The following CEP112 variants were observed in gnomAD, a reference collection of about 807,000 sequenced individuals.
CEP112 encodes centrosomal protein 112, also known as centrosomal protein of 112 kDa.
In CEP112, 127 loss-of-function variants were observed where a neutral mutation model predicts 153.0. The ratio of observed to expected loss-of-function variants is 0.83; its 90% CI spans 0.72 to 0.96. CEP112 has a LOEUF of 0.96. CEP112 is among the 40% of genes least tolerant of loss of function. CEP112 has a pLI of 0.00. For synonymous variants in CEP112, 358 were observed against 374.4 expected (o/e 0.96, Z 0.51); for missense variants, 1,089 against 1,101.2 (o/e 0.99, Z 0.16).
chr17:66,077,565 T>G lies in CEP112; in HGVS notation c.769-7564A>C, dbSNP rs9901237. Among the ~76,000 whole-genome samples, 945 of 152,318 alleles carry G rather than the reference T, an allele frequency of 6.2e-3. 9 individuals carry two copies. The highest frequency in any genetic ancestry group is 0.022 in the African/African-American group (906 of 41,580). ...AGGCTCCAAGAAGCCTGGGATTATGTGAAACAACCAAACCTAAGAACAATC... is the reference window on the plus strand; with the variant it reads ...AGGCTCCAAGAAGCCTGGGATTATGGGAAACAACCAAACCTAAGAACAATC... On this transcript the variant is annotated intron_variant, in intron 8 of 26. Transcript: ENST00000535342.
At position 65,744,151 on chromosome 17, in the gene CEP112, G is replaced by C. The variant is rs558103955; in HGVS notation, c.2458-934C>G. ...AAAATGACATCCAACTAAAGAGACA[G>C]GCAGGATTTGAACCATGCAGTCAGA... On this transcript the variant is annotated intron_variant, in intron 22 of 26. Coordinates refer to ENST00000535342, the MANE Select transcript of CEP112 (RefSeq NM_001199165.4). Among the ~76,000 whole-genome samples, 3 of 152,272 alleles carry C rather than the reference G, an allele frequency of 2.0e-5. No individual in the cohort carries two copies. The East Asian group carries it at 5.8e-4, about 29-fold the overall frequency.
At chr17:65,671,612 G>A (rs1257757811) in intron 24 of CEP112, among the ~76,000 whole-genome samples, 1 of 152,118 alleles carries the variant, frequency 6.6e-6, no homozygotes, top group Non-Finnish European at 1.5e-5. Context: ...ATATGTGTGT[G>A]TATGTATATA....
chr17:65,909,593 A>ATAC (rs2060205877), intron 19 of CEP112, among the ~76,000 whole-genome samples: 1 of 152,342 alleles, frequency 6.6e-6, no homozygotes, highest in South Asian at 2.1e-4. Flanking sequence ...AGAGAAACCA[A>ATAC]TGCCTCATAC....
chr17:65,964,917 T>G (rs751169915), intron 17 of CEP112, among the ~76,000 whole-genome samples: 2 of 152,224 alleles, frequency 1.3e-5, no homozygotes, highest in Non-Finnish European at 2.9e-5. Context: ...GAACATGATT[T>G]GAAAACTTTA....
intron 17 of CEP112, among the ~76,000 whole-genome samples, chr17:66,000,900 A>G (rs1307390365): frequency 6.6e-6 from 1 of 152,202 alleles, no homozygotes; most frequent in Non-Finnish European, 1.5e-5. Flanking sequence ...TGATGCAGCT[A>G]TCTGGCATGG....
At chr17:65,842,486 T>C (rs1474455615) in intron 21 of CEP112, among the ~76,000 whole-genome samples, 1 of 152,088 alleles carries the variant, frequency 6.6e-6, no homozygotes, top group African/African-American at 2.4e-5. Context: ...GTGAAAGCCA[T>C]TGAGAAGGGA....
At chr17:66,139,629 A>G (rs2070598587) in intron 4 of CEP112, among the ~76,000 whole-genome samples, 1 of 152,098 alleles carries the variant, frequency 6.6e-6, no homozygotes, top group South Asian at 2.1e-4. Flanking sequence ...AAAAGTTATA[A>G]AAAGAACTGT....
At chr17:66,041,501 A>T (rs2065976445) in intron 12 of CEP112, among the ~76,000 whole-genome samples, 1 of 152,192 alleles carries the variant, frequency 6.6e-6, no homozygotes, top group Non-Finnish European at 1.5e-5. Context: ...GACTTACTGT[A>T]TACACAGGCT....
intron 8 of CEP112, among the ~76,000 whole-genome samples, chr17:66,085,495 T>G (rs1268844615): frequency 6.6e-6 from 1 of 152,252 alleles, no homozygotes; most frequent in South Asian, 2.1e-4. Flanking sequence ...TACACAAAGA[T>G]ATGCATAGGG....
intron 6 of CEP112, among the ~76,000 whole-genome samples, chr17:66,127,058 T>A (rs1234933394): frequency 6.6e-6 from 1 of 152,172 alleles, no homozygotes; most frequent in Non-Finnish European, 1.5e-5. Flanking sequence ...TACAAATATA[T>A]AAAAATGCAA....
chr17:65,681,941 A>T (rs1466849481), intron 24 of CEP112, among the ~76,000 whole-genome samples: 2 of 151,378 alleles, frequency 1.3e-5, no homozygotes, highest in African/African-American at 4.9e-5. Flanking sequence ...CAGCCTCCCA[A>T]AGCGCTGGGA....
At chr17:65,934,048 G>A (rs891172635) in intron 18 of CEP112, among the ~76,000 whole-genome samples, 2 of 152,128 alleles carry the variant, frequency 1.3e-5, no homozygotes, top group African/African-American at 4.8e-5. Flanking sequence ...AGTTACATGG[G>A]CACAGTTGTG....
intron 23 of CEP112, among the ~76,000 whole-genome samples, chr17:65,717,871 C>A (rs1389698646): frequency 6.6e-6 from 1 of 152,138 alleles, no homozygotes; most frequent in Non-Finnish European, 1.5e-5. Flanking sequence ...GGGAAGCCAA[C>A]TGAACTGAAC....
At chr17:65,978,367 C>T (rs1238396986) in intron 17 of CEP112, among the ~76,000 whole-genome samples, 1 of 152,196 alleles carries the variant, frequency 6.6e-6, no homozygotes, top group Non-Finnish European at 1.5e-5. Context: ...TAAAGGTAAA[C>T]ATTGGCATTC....
At chr17:66,166,851 C>G (rs1346134618) in intron 4 of CEP112, among the ~76,000 whole-genome samples, 1 of 150,302 alleles carries the variant, frequency 6.7e-6, no homozygotes, top group African/African-American at 2.4e-5. Flanking sequence ...TTGCAGTGAG[C>G]CGAGATCGTG....
chr17:65,822,359 C>T (rs1289545203), intron 21 of CEP112, among the ~76,000 whole-genome samples: 7 of 152,092 alleles, frequency 4.6e-5, no homozygotes, highest in Non-Finnish European at 8.8e-5. Flanking sequence ...TCCAAAGATA[C>T]TCAGCACCTT....
chr17:66,053,441 C>CATGCCT (rs1164960834), intron 12 of CEP112, among the ~76,000 whole-genome samples: 1 of 151,782 alleles, frequency 6.6e-6, no homozygotes, highest in Admixed American at 6.6e-5. Flanking sequence ...GAGCCAAGGC[C>CATGCCT]ATGCCGTTGC....
intron 21 of CEP112, among the ~76,000 whole-genome samples, chr17:65,769,142 T>C (rs1271391036): frequency 6.6e-6 from 1 of 151,822 alleles, no homozygotes; most frequent in Non-Finnish European, 1.5e-5. Flanking sequence ...CACAACAATG[T>C]AGCCAAAAAG....
At chr17:66,127,744 C>T (rs974818871) in intron 6 of CEP112, among the ~76,000 whole-genome samples, 3 of 152,160 alleles carry the variant, frequency 2.0e-5, no homozygotes, top group African/African-American at 7.2e-5. Context: ...TCTCAGGAAG[C>T]TCTAGGCCTT....
Sources: allele counts gnomAD v4.1 joint callset (sites outside exome capture counted in the v4.1 genomes callset), GRCh38; gene constraint gnomAD v4.1.1; transcripts MANE v1.5; gene names NCBI Gene and HGNC (gene_info 2026-07-23, HGNC 2026-07-21).